Variants in CLUL1 observed in about 807,000 individuals in gnomAD.
CLUL1 encodes the protein clusterin-like protein 1.
CLUL1 carries 43 observed loss-of-function variants against 49.4 expected under a neutral mutation model. The ratio of observed to expected loss-of-function variants is 0.87; its 90% CI spans 0.68 to 1.12. The LOEUF (loss-of-function observed/expected upper bound fraction) is 1.12. Among genes scored for constraint, CLUL1 ranks in the 50% most tolerant of loss-of-function variants. The pLI is 0.00. For synonymous variants in CLUL1, 192 were observed against 184.9 expected (o/e 1.04, Z -0.31); for missense variants, 486 against 544.4 (o/e 0.89, Z 1.07).
In CLUL1 at chr18:627,434, T is replaced by A. The variant is rs2144075043; in HGVS notation, c.761T>A (p.Leu254Gln). ...TGGGACATTCCCAACTTCTTCCAGC[T>A]GTTTTGTAATTTCAGTGTCTCTATT... ...QCWDIPNFFQLFCNFSVSIYE... is the reference protein window; with the variant it reads ...QCWDIPNFFQQFCNFSVSIYE... Residue 254 changes from leucine (L) to glutamine (Q), a missense_variant, in exon 6 of 10, where the codon CTG becomes CAG. Physicochemically the swap from Leu to Gln is moderately radical, Grantham distance 113. Transcript: ENST00000692774. The A allele has an allele frequency of 6.2e-7, 1 of 1,614,020 alleles. No homozygotes were observed. Among genetic ancestry groups the A allele is most frequent in the East Asian group, 2.2e-5 (1 of 44,864 alleles).
rs869103727 is a variant in CLUL1 at position 645,792 on chromosome 18, TAAAAAAAAA to T, written c.1397+706_1397+714del. Among the ~76,000 whole-genome samples, 4 of 16,090 alleles carry T rather than the reference TAAAAAAAAA, an allele frequency of 2.5e-4. 1 individual carries two copies. The highest frequency in any genetic ancestry group is 7.7e-4 in the African/African-American group (3 of 3,914). The allele number at this position is 16,090 out of a possible 152,430, so 10.6% of individuals were successfully genotyped here. On this transcript the variant is annotated intron_variant, in intron 9 of 9. Coordinates refer to ENST00000692774, the MANE Select transcript of CLUL1 (RefSeq NM_001393344.1). ...CTGGGCGACAGAGCGAGACTCTGTT[TAAAAAAAAA>T]AAAAAAAAAATATATATATATATAT...
intron 2 of CLUL1, among the ~76,000 whole-genome samples, chr18:614,338 A>AAGGAAGGGAG: frequency 6.7e-6 from 1 of 148,746 alleles, no homozygotes; most frequent in Non-Finnish European, 1.5e-5. Context: ...AAGGGAGGGA[A>AAGGAAGGGAG]GGAAGGAAGG....
chr18:599,805 G>A (rs978682072), intron 1 of CLUL1, among the ~76,000 whole-genome samples: 7 of 151,916 alleles, frequency 4.6e-5, no homozygotes, highest in East Asian at 1.9e-4. Context: ...GTTGGCGGGC[G>A]CCTGTAGTCC....
chr18:645,805 AAAAAAATAT>A (rs2074471270), intron 9 of CLUL1, among the ~76,000 whole-genome samples: 5 of 51,422 alleles, frequency 9.7e-5, no homozygotes, highest in African/African-American at 3.0e-4. Context: ...AAAAAAAAAA[AAAAAAATAT>A]ATATATATAT....
intron 6 of CLUL1, among the ~76,000 whole-genome samples, chr18:632,510 A>G (rs571535544): frequency 5.4e-4 from 82 of 152,318 alleles, no homozygotes; most frequent in African/African-American, 1.9e-3. Flanking sequence ...AAAATACAGA[A>G]AAGTCCAAGA....
chr18:629,363 A>T (rs1385620823), intron 6 of CLUL1, among the ~76,000 whole-genome samples: 1 of 152,232 alleles, frequency 6.6e-6, no homozygotes, highest in Non-Finnish European at 1.5e-5. Flanking sequence ...AATAACACTG[A>T]GAATATGTTC....
At chr18:632,990 C>G (rs2074031553) in intron 6 of CLUL1, among the ~76,000 whole-genome samples, 1 of 152,106 alleles carries the variant, frequency 6.6e-6, no homozygotes, top group Non-Finnish European at 1.5e-5. Context: ...AACCCCATCT[C>G]TACTAAAAGT....
intron 9 of CLUL1, among the ~76,000 whole-genome samples, chr18:648,272 C>T (rs1436828154): frequency 6.6e-6 from 1 of 152,230 alleles, no homozygotes; most frequent in Admixed American, 6.5e-5. Flanking sequence ...GTTGTTGGGA[C>T]TTCCAATGGC....
At position 633,346 on chromosome 18, in the gene CLUL1, G is replaced by C. The variant is rs114382609; in HGVS notation, c.905G>C (p.Arg302Thr). Reference sequence around the variant, plus strand: ...TCAAAGATGTTACCTGGGCAGGACAGAGGACTGTGTGGGGAACTTGACCAG... The same window carrying C: ...TCAAAGATGTTACCTGGGCAGGACACAGGACTGTGTGGGGAACTTGACCAG... Reference protein sequence around the residue: ...LISKMLPGQDRGLCGELDQNL... With the variant: ...LISKMLPGQDTGLCGELDQNL... The change falls in exon 7 of 10, where the codon AGA (arginine) becomes ACA (threonine). Residue 302 changes from arginine to threonine, a missense_variant. By Grantham distance (71) the Arg-to-Thr change is moderately conservative. Transcript: ENST00000692774. 643 of 1,613,936 alleles carry C rather than the reference G, an allele frequency of 4.0e-4. 2 individuals carry two copies. The African/African-American group carries it at 7.5e-3, about 19-fold the overall frequency.
chr18:634,279 G>A (rs2074077618), intron 7 of CLUL1, among the ~76,000 whole-genome samples: 1 of 152,008 alleles, frequency 6.6e-6, no homozygotes, highest in Non-Finnish European at 1.5e-5. Context: ...ACAGGCATGT[G>A]CCACCACGCC....
chr18:618,617 G>A lies in CLUL1; in HGVS notation c.106+511G>A, dbSNP rs1344342958. ...TTAGCTAAAATGCAGCTGATTTGGG[G>A]TCTGTAATAATCAGAGTCAAGAATG... On this transcript the variant is annotated intron_variant, in intron 3 of 9. Transcript: ENST00000692774. This position sits in a 1 kb window ranked among gnomAD's most constrained non-coding sequence, Gnocchi z 4.2. 5.3e-5 allele frequency among the ~76,000 whole-genome samples: 8 copies of A among 152,104 alleles called. No homozygotes were observed. The highest frequency in any genetic ancestry group is 1.0e-4 in the Non-Finnish European group (7 of 68,030).
chr18:649,952 G>A lies in CLUL1; in HGVS notation c.*51G>A. The A allele has an allele frequency of 8.3e-7, 1 of 1,202,956 alleles. No homozygotes were observed. The highest frequency in any genetic ancestry group is 1.2e-6 in the Non-Finnish European group (1 of 835,666). 74.5% of individuals were successfully genotyped at this position (1,202,956 alleles called of 1,614,324 possible). ...GTAAGTAGAATTATCTCTTCATCTG[G>A]GACCTGGAAATCCTGAAATAAAAAA... On this transcript the variant is annotated 3_prime_UTR_variant, in exon 10 of 10. Coordinates refer to ENST00000692774, the MANE Select transcript of CLUL1 (RefSeq NM_001393344.1).
rs1209518213 is a variant in CLUL1, at chr18:607,088, C to CCA, written c.-25_-24insCA. 1.4e-6 allele frequency: 1 copy of CCA among 701,846 alleles called. No individual in the cohort carries two copies. Among genetic ancestry groups the CCA allele is most frequent in the Non-Finnish European group, 2.6e-6 (1 of 384,736 alleles). 43.5% of individuals were successfully genotyped at this position (701,846 alleles called of 1,614,324 possible). Reference sequence around the variant, plus strand: ...CCTCCTACCTCAGCCCCATGAGGACCTGGGACTACAGGTATGCACCGCTAT... The same window carrying CCA: ...CCTCCTACCTCAGCCCCATGAGGACCCATGGGACTACAGGTATGCACCGCTAT... On this transcript the variant is annotated 5_prime_UTR_variant, in exon 2 of 10. In the 5' UTR this introduces an upstream ATG that the reference lacks. Coordinates refer to ENST00000692774, the MANE Select transcript of CLUL1 (RefSeq NM_001393344.1).
At chr18:639,573 TG>T (rs1368925669) in intron 7 of CLUL1, among the ~76,000 whole-genome samples, 1 of 151,840 alleles carries the variant, frequency 6.6e-6, no homozygotes, top group Non-Finnish European at 1.5e-5. Context: ...GAGACCAGCC[TG>T]GTCAGCATGG....
chr18:650,031 G>T lies in CLUL1; in HGVS notation c.*130G>T. The T allele has an allele frequency of 3.3e-6, 2 of 604,004 alleles. No individual in the cohort carries two copies. Among genetic ancestry groups the T allele is most frequent in the South Asian group, 5.1e-5 (2 of 38,900 alleles). The allele number at this position is 604,004 out of a possible 1,614,324, so 37.4% of individuals were successfully genotyped here. On this transcript the variant is annotated 3_prime_UTR_variant, in exon 10 of 10. Transcript: ENST00000692774. ...AAGTATGTTAGCTATATACTATGAAGTACTCTTAGTTTACTTATGTTGAAT... is the reference window on the plus strand; with the variant it reads ...AAGTATGTTAGCTATATACTATGAATTACTCTTAGTTTACTTATGTTGAAT...
At chr18:645,302 A>G in intron 9 of CLUL1, 1 of 450,010 alleles carries the variant, frequency 2.2e-6, no homozygotes, top group South Asian at 5.1e-5. Context: ...ATGTGATGAA[A>G]TGGGAATTCT....
chr18:641,556 C>T lies in CLUL1; in HGVS notation c.1209+15C>T. ...ATTCAATACAGGTAAAGGAGAGACC[C>T]AAGAGCAGATACGGAAATGACACGT... On this transcript the variant is annotated intron_variant, in intron 8 of 9. Coordinates refer to ENST00000692774, the MANE Select transcript of CLUL1 (RefSeq NM_001393344.1). 3.1e-6 allele frequency: 5 copies of T among 1,603,386 alleles called. No individual in the cohort carries two copies. The highest frequency in any genetic ancestry group is 4.3e-6 in the Non-Finnish European group (5 of 1,170,620).
rs1372576220 is a variant in CLUL1 at position 649,944 on chromosome 18, T to C, written c.*43T>C. The C allele has an allele frequency of 1.6e-6, 2 of 1,241,592 alleles. No individual in the cohort carries two copies. Among genetic ancestry groups the C allele is most frequent in the Admixed American group, 2.0e-5 (1 of 49,362 alleles). 76.9% of individuals were successfully genotyped at this position (1,241,592 alleles called of 1,614,324 possible). A position where few individuals can be genotyped will look rare whatever the true frequency, so the allele number is the denominator to read the frequency against. ...TATATCCAGTAAGTAGAATTATCTC[T>C]TCATCTGGGACCTGGAAATCCTGAA... On this transcript the variant is annotated 3_prime_UTR_variant, in exon 10 of 10. Coordinates refer to ENST00000692774, the MANE Select transcript of CLUL1 (RefSeq NM_001393344.1).
intron 8 of CLUL1, among the ~76,000 whole-genome samples, chr18:642,666 C>G (rs915639986): frequency 6.6e-6 from 1 of 152,110 alleles, no homozygotes; most frequent in Non-Finnish European, 1.5e-5. Context: ...CTGGGCAGAG[C>G]AATTGAAGAT....
Sources: gnomAD v4.1 joint callset for allele counts (sites outside exome capture counted in the v4.1 genomes callset) on GRCh38, gnomAD v4.1.1 for gene constraint, Gnocchi (gnomAD v3.1) non-coding constraint, MANE v1.5 for transcripts, NCBI Gene and HGNC (gene_info 2026-07-23, HGNC 2026-07-21) for gene names.